Variants in TRERF1 observed in about 807,000 individuals in gnomAD.
TRERF1 encodes transcriptional-regulating factor 1.
In TRERF1, 27 loss-of-function variants were observed where a neutral mutation model predicts 122.9. The observed-to-expected ratio is 0.22, with a 90% confidence interval of 0.16 to 0.30. TRERF1 has a LOEUF of 0.30. TRERF1 is among the 10% of genes least tolerant of loss of function. The pLI, the probability that TRERF1 is intolerant of heterozygous loss-of-function variation, is 1.00. For missense variants in TRERF1, 1,248 were observed against 1,560.3 expected, an observed-to-expected ratio of 0.80 and a Z score of 3.37; for synonymous variants, 636 against 641.7, an observed-to-expected ratio of 0.99 and a Z score of 0.13.
intron 2 of TRERF1, among the ~76,000 whole-genome samples, chr6:42,367,572 G>A (rs1314188899): frequency 6.6e-6 from 1 of 152,094 alleles, no homozygotes; most frequent in South Asian, 2.1e-4. Flanking sequence ...CACTCCCACC[G>A]CACCAAGATC....
At chr6:42,308,173 T>C (rs1016391192) in intron 3 of TRERF1, among the ~76,000 whole-genome samples, 10 of 152,164 alleles carry the variant, frequency 6.6e-5, no homozygotes, top group African/African-American at 2.4e-4. Context: ...ACACAAATGT[T>C]CCTAGAAACA....
At chr6:42,265,792 G>T (rs771104049) in exon 6 of TRERF1, 11 of 1,612,996 alleles carry the variant, frequency 6.8e-6, no homozygotes, top group Middle Eastern at 1.6e-4. Context: ...CATCAGGTAG[G>T]TGCATCTAAT....
chr6:42,279,284 CCTCCACTCCTG>C (rs776682597), intron 4 of TRERF1, among the ~76,000 whole-genome samples: 1 of 152,144 alleles, frequency 6.6e-6, no homozygotes, highest in Non-Finnish European at 1.5e-5. Context: ...CAGGAAGGAT[CCTCCACTCCTG>C]CCCCCAAGAA....
At chr6:42,444,998 A>G in intron 2 of TRERF1, among the ~76,000 whole-genome samples, 1 of 152,158 alleles carries the variant, frequency 6.6e-6, no homozygotes, top group Non-Finnish European at 1.5e-5. Flanking sequence ...GGCCTGGTGC[A>G]GTAGGTCACA....
In TRERF1 at chr6:42,268,671, T is replaced by A. The variant is rs780960570; in HGVS notation, c.920A>T (p.Gln307Leu). The A allele has an allele frequency of 6.2e-7, 1 of 1,614,046 alleles. No individual in the cohort carries two copies. The highest frequency in any genetic ancestry group is 1.3e-5 in the African/African-American group (1 of 74,930). The change falls in exon 5 of 18, where the codon CAG becomes CTG. Residue 307 changes from glutamine to leucine, a missense_variant. Gln to Leu is a moderately radical substitution (Grantham distance 113). This residue lies in a region of TRERF1 where 946 missense variants were observed against 1,073.0 expected (regional missense o/e 0.88). Transcript: ENST00000372922. The surrounding 1 kb of genome is among the most constrained non-coding windows in gnomAD (Gnocchi z 4.4). ...CTGCAGCTGTAGCTGCTGCGGCTGC[T>A]GCTGCTGTGGCGGCGGCTGTGGCTG... is the stretch of plus-strand genomic sequence containing the variant.
At chr6:42,430,157 T>C (rs1784275434) in intron 2 of TRERF1, among the ~76,000 whole-genome samples, 1 of 151,758 alleles carries the variant, frequency 6.6e-6, no homozygotes, top group African/African-American at 2.4e-5. Context: ...TTGTACTGCT[T>C]GGTGGGGGCC....
At chr6:42,331,486 C>A (rs951895909) in intron 3 of TRERF1, among the ~76,000 whole-genome samples, 1 of 152,142 alleles carries the variant, frequency 6.6e-6, no homozygotes, top group African/African-American at 2.4e-5. Flanking sequence ...GGTTCCTGCT[C>A]GGGATTAACT....
At chr6:42,358,104 A>C (rs925714386) in intron 3 of TRERF1, among the ~76,000 whole-genome samples, 15 of 152,148 alleles carry the variant, frequency 9.9e-5, no homozygotes, top group Non-Finnish European at 1.5e-5. Context: ...GGGTTGGCAC[A>C]CACACCCTTT....
chr6:42,306,471 C>T (rs1663072540), intron 3 of TRERF1, among the ~76,000 whole-genome samples: 1 of 152,172 alleles, frequency 6.6e-6, no homozygotes, highest in South Asian at 2.1e-4. Context: ...AAGCTTGGGC[C>T]TTTCACACCA....
intron 4 of TRERF1, among the ~76,000 whole-genome samples, chr6:42,277,286 C>A (rs561569681): frequency 6.6e-6 from 1 of 152,172 alleles, no homozygotes; most frequent in Admixed American, 6.5e-5. Flanking sequence ...GTTCTGCCTG[C>A]TCCACCTCCA....
chr6:42,397,942 A>T (rs188662795), intron 2 of TRERF1, among the ~76,000 whole-genome samples: 1 of 152,332 alleles, frequency 6.6e-6, no homozygotes, highest in Admixed American at 6.5e-5. Flanking sequence ...AGTCTGAGTG[A>T]TGTGAGCTAA....
At chr6:42,294,911 C>T (rs986813472) in intron 4 of TRERF1, among the ~76,000 whole-genome samples, 1 of 152,038 alleles carries the variant, frequency 6.6e-6, no homozygotes, top group African/African-American at 2.4e-5. Context: ...CATTAGTAAT[C>T]AACCTTGGCT....
chr6:42,239,122 C>T (rs1773010365), intron 15 of TRERF1, among the ~76,000 whole-genome samples: 1 of 152,166 alleles, frequency 6.6e-6, no homozygotes, highest in African/African-American at 2.4e-5. Flanking sequence ...CTGGAACCAG[C>T]TGCTTTGAAA....
chr6:42,270,246 C>T (rs1416086604), intron 4 of TRERF1, among the ~76,000 whole-genome samples: 2 of 152,174 alleles, frequency 1.3e-5, no homozygotes, highest in Non-Finnish European at 2.9e-5. Flanking sequence ...TAGAAATAGC[C>T]AGTGTCATGC....
chr6:42,359,877 T>G (rs958665122), intron 3 of TRERF1, among the ~76,000 whole-genome samples: 2 of 152,104 alleles, frequency 1.3e-5, no homozygotes, highest in African/African-American at 4.8e-5. Flanking sequence ...ATTCTAGAGG[T>G]TCTATCTATT....
intron 3 of TRERF1, among the ~76,000 whole-genome samples, chr6:42,324,819 T>C (rs1764010004): frequency 6.6e-6 from 1 of 152,130 alleles, no homozygotes. Flanking sequence ...ACCTAGGAAA[T>C]AGTCATCTGG....
chr6:42,343,930 C>A (rs771081068), intron 3 of TRERF1, among the ~76,000 whole-genome samples: 27 of 152,236 alleles, frequency 1.8e-4, no homozygotes, highest in Non-Finnish European at 3.1e-4. Flanking sequence ...GGGAGGCCAG[C>A]AGAGCTGCTG....
At chr6:42,283,043 A>T (rs1782564339) in intron 4 of TRERF1, among the ~76,000 whole-genome samples, 1 of 152,218 alleles carries the variant, frequency 6.6e-6, no homozygotes, top group South Asian at 2.1e-4. Context: ...TAAGGCACAT[A>T]CATCACAGCC....
chr6:42,234,563 G>A (rs1365643526), intron 16 of TRERF1, among the ~76,000 whole-genome samples: 1 of 151,956 alleles, frequency 6.6e-6, no homozygotes, highest in Admixed American at 6.6e-5. Flanking sequence ...GGATGGTCTT[G>A]ATCTCTTGAC....
Sources: gnomAD v4.1 joint callset for allele counts (sites outside exome capture counted in the v4.1 genomes callset) on GRCh38, gnomAD v4.1.1 for gene constraint, gnomAD v4.1.1 regional missense constraint, Gnocchi (gnomAD v3.1) non-coding constraint, MANE v1.5 for transcripts, NCBI Gene and HGNC (gene_info 2026-07-23, HGNC 2026-07-21) for gene names.